The following ZNF804A variants were observed in gnomAD, a reference collection of about 807,000 sequenced individuals.
The protein encoded by ZNF804A is zinc finger protein 804A.
Under a neutral mutation model 16.5 loss-of-function variants are expected in ZNF804A, and 2 were observed. The ratio of observed to expected loss-of-function variants is 0.12; its 90% CI spans 0.05 to 0.38. The LOEUF is 0.38. Ranked by LOEUF, ZNF804A falls within the 10% of genes least tolerant of loss-of-function variation. The probability of loss-of-function intolerance (pLI) is 0.99; values close to 1 mark genes in which losing one functional copy is unlikely to be tolerated. For synonymous variants in ZNF804A, 534 were observed against 489.6 expected (o/e 1.09, Z -1.20); for missense variants, 1,473 against 1,390.7 (o/e 1.06, Z -0.94).
At chr2:184,667,843 G>A (rs1692275773) in intron 1 of ZNF804A, among the ~76,000 whole-genome samples, 1 of 151,708 alleles carries the variant, frequency 6.6e-6, no homozygotes, top group Admixed American at 6.6e-5. Context: ...TTTCTAAATA[G>A]CTATCATATA....
At chr2:184,693,771 CT>C (rs1350201775) in intron 1 of ZNF804A, among the ~76,000 whole-genome samples, 1 of 151,486 alleles carries the variant, frequency 6.6e-6, no homozygotes, top group Non-Finnish European at 1.5e-5. Context: ...ACCTTTTTAT[CT>C]TCCTGGATTT....
intron 1 of ZNF804A, among the ~76,000 whole-genome samples, chr2:184,639,620 A>G (rs1252809725): frequency 6.6e-6 from 1 of 152,228 alleles, no homozygotes; most frequent in Admixed American, 6.5e-5. Flanking sequence ...TTAAAATAAC[A>G]AAAGGTTGTC....
At chr2:184,904,058 G>A (rs1422310538) in intron 2 of ZNF804A, among the ~76,000 whole-genome samples, 3 of 151,932 alleles carry the variant, frequency 2.0e-5, no homozygotes, top group Non-Finnish European at 4.4e-5. Flanking sequence ...AAAATTAGTT[G>A]TGTTTCTACA....
chr2:184,890,722 C>T (rs1259450466), intron 2 of ZNF804A, among the ~76,000 whole-genome samples: 1 of 151,406 alleles, frequency 6.6e-6, no homozygotes, highest in South Asian at 2.1e-4. Context: ...AAATTGGTTT[C>T]CTTCCAAAAT....
chr2:184,832,277 A>G (rs1021631092), intron 1 of ZNF804A, among the ~76,000 whole-genome samples: 18 of 152,026 alleles, frequency 1.2e-4, no homozygotes, highest in Admixed American at 7.2e-4. Context: ...GGAATTTGCT[A>G]TGTGCTTAAA....
intron 2 of ZNF804A, among the ~76,000 whole-genome samples, chr2:184,899,746 T>G (rs1287794992): frequency 6.6e-6 from 1 of 151,918 alleles, no homozygotes; most frequent in Non-Finnish European, 1.5e-5. Flanking sequence ...GAATCTTATT[T>G]GTTTCTGTTT....
intron 1 of ZNF804A, among the ~76,000 whole-genome samples, chr2:184,762,247 C>T (rs1214863614): frequency 6.8e-6 from 1 of 146,080 alleles, no homozygotes; most frequent in Admixed American, 6.8e-5. Flanking sequence ...TTCATTCATT[C>T]AACAAATTTT....
At chr2:184,873,324 T>A (rs938203521) in intron 2 of ZNF804A, among the ~76,000 whole-genome samples, 5 of 152,024 alleles carry the variant, frequency 3.3e-5, no homozygotes, top group Admixed American at 6.6e-5. Flanking sequence ...TTTGTCTCTA[T>A]AGAAAATACA....
chr2:184,666,336 C>A (rs1692253426), intron 1 of ZNF804A, among the ~76,000 whole-genome samples: 1 of 151,974 alleles, frequency 6.6e-6, no homozygotes, highest in South Asian at 2.1e-4. Context: ...AAAACAGATT[C>A]ATTTCAAAGC....
chr2:184,910,178 T>A (rs1685333832), intron 2 of ZNF804A, among the ~76,000 whole-genome samples: 1 of 152,098 alleles, frequency 6.6e-6, no homozygotes, highest in South Asian at 2.1e-4. Context: ...CATATTTTTG[T>A]GTATGAGCAC....
chr2:184,894,210 C>T (rs930955328), intron 2 of ZNF804A, among the ~76,000 whole-genome samples: 3 of 152,090 alleles, frequency 2.0e-5, no homozygotes, highest in African/African-American at 7.2e-5. Context: ...TAACAAAACA[C>T]TGATGCTGCA....
chr2:184,872,071 C>T (rs1390326190), intron 2 of ZNF804A, among the ~76,000 whole-genome samples: 1 of 152,032 alleles, frequency 6.6e-6, no homozygotes, highest in Admixed American at 6.6e-5. Flanking sequence ...AAGATGCAAA[C>T]TGCGTTTAAA....
intron 1 of ZNF804A, among the ~76,000 whole-genome samples, chr2:184,669,762 A>ACG (rs112095985): frequency 0.1 from 4,922 of 49,014 alleles, 273 homozygotes; most frequent in African/African-American, 0.25. Flanking sequence ...TCACACACAC[A>ACG]CGCACACACA....
chr2:184,738,429 G>A (rs1157842841), intron 1 of ZNF804A, among the ~76,000 whole-genome samples: 1 of 151,980 alleles, frequency 6.6e-6, no homozygotes, highest in East Asian at 1.9e-4. Flanking sequence ...GATCCTTTTG[G>A]ATACATAGCC....
intron 1 of ZNF804A, among the ~76,000 whole-genome samples, chr2:184,633,087 A>C (rs1414597749): frequency 6.6e-6 from 1 of 152,170 alleles, no homozygotes; most frequent in Non-Finnish European, 1.5e-5. Flanking sequence ...TCTCTTGATT[A>C]GGGTGTCAGA....
chr2:184,660,074 G>T (rs1373408370), intron 1 of ZNF804A, among the ~76,000 whole-genome samples: 1 of 152,164 alleles, frequency 6.6e-6, no homozygotes, highest in Non-Finnish European at 1.5e-5. Context: ...TCTTGCCACT[G>T]CACTCCAGCC....
At chr2:184,786,170 T>C (rs1446771992) in intron 1 of ZNF804A, among the ~76,000 whole-genome samples, 2 of 152,064 alleles carry the variant, frequency 1.3e-5, no homozygotes, top group Non-Finnish European at 2.9e-5. Flanking sequence ...TTTAGCTTTA[T>C]ATATTGCTTA....
chr2:184,826,532 T>A (rs1695171249), intron 1 of ZNF804A, among the ~76,000 whole-genome samples: 1 of 152,148 alleles, frequency 6.6e-6, no homozygotes, highest in Non-Finnish European at 1.5e-5. Flanking sequence ...TATATTTTAA[T>A]GGTCTGCTAA....
At chr2:184,749,783 A>C (rs1259832100) in intron 1 of ZNF804A, among the ~76,000 whole-genome samples, 1 of 151,226 alleles carries the variant, frequency 6.6e-6, no homozygotes, top group Non-Finnish European at 1.5e-5. Context: ...CATGGGTTCC[A>C]ATGAAGTTAA....
Sources: allele counts gnomAD v4.1 joint callset (sites outside exome capture counted in the v4.1 genomes callset), GRCh38; gene constraint gnomAD v4.1.1; transcripts MANE v1.5; gene names NCBI Gene and HGNC (gene_info 2026-07-23, HGNC 2026-07-21).